The following BICDL1 variants were observed in gnomAD, a reference collection of about 807,000 sequenced individuals.
The protein encoded by BICDL1 is BICD family-like cargo adapter 1.
A neutral mutation model predicts 76.8 loss-of-function variants in BICDL1; 20 were observed. That is an observed-to-expected ratio of 0.26 (90% confidence interval 0.18 to 0.38). BICDL1 has a LOEUF of 0.38. BICDL1 is among the 10% of genes least tolerant of loss of function. BICDL1 has a pLI of 1.00. For synonymous variants in BICDL1, 383 were observed against 337.1 expected (o/e 1.14, Z -1.49); for missense variants, 700 against 798.6 (o/e 0.88, Z 1.49).
chr12:119,990,462 T>G (rs2082054997), intron 1 of BICDL1, among the ~76,000 whole-genome samples, 165 bp downstream of exon 1: 1 of 152,150 alleles, frequency 6.6e-6, no homozygotes, highest in Non-Finnish European at 1.5e-5. Context: ...CAGATTTCGT[T>G]GAACCCACTT....
chr12:120,057,988 G>A lies in BICDL1; in HGVS notation c.646-3722G>A, dbSNP rs145040518. 1.2e-3 allele frequency among the ~76,000 whole-genome samples: 177 copies of A among 151,906 alleles called. 3 individuals are homozygous for A. In the East Asian group the frequency reaches 0.021, roughly 18 times the overall value. On this transcript the variant is annotated intron_variant, in intron 2 of 9. Coordinates refer to ENST00000548673, the MANE Select transcript of BICDL1 (RefSeq NM_001367886.1). ...TGGGACCACAGGCGCCCGCCACCAC[G>A]CCTGGAGAATTTTTTTTTGTATTTT... is the stretch of plus-strand genomic sequence containing the variant.
chr12:120,084,292 A>G (rs1341667501), intron 8 of BICDL1, among the ~76,000 whole-genome samples: 1 of 152,104 alleles, frequency 6.6e-6, no homozygotes, highest in Non-Finnish European at 1.5e-5. Context: ...ATGAGCCACC[A>G]CACCCGGCCA....
chr12:120,085,018 C>T (rs575585837), intron 8 of BICDL1, among the ~76,000 whole-genome samples: 8 of 151,914 alleles, frequency 5.3e-5, no homozygotes, highest in Middle Eastern at 6.9e-3. Flanking sequence ...CCTTTTCTTT[C>T]TGGTCAGAAC....
At chr12:120,005,349 T>C (rs930985901) in intron 2 of BICDL1, among the ~76,000 whole-genome samples, 2 of 152,174 alleles carry the variant, frequency 1.3e-5, no homozygotes, top group Non-Finnish European at 2.9e-5. Flanking sequence ...TGTACATAAC[T>C]TTTCTACTTA....
chr12:120,092,122 C>G, intron 9 of BICDL1: 1 of 985,420 alleles, frequency 1.0e-6, no homozygotes, highest in Non-Finnish European at 1.2e-6. Flanking sequence ...AGTTTTCAAA[C>G]TTTGTTAGTG....
chr12:120,093,187 A>G lies in BICDL1; in HGVS notation c.*26A>G, dbSNP rs1242272854. The G allele has an allele frequency of 6.4e-7, 1 of 1,563,594 alleles. No individual in the cohort carries two copies. Among genetic ancestry groups the G allele is most frequent in the East Asian group, 2.4e-5 (1 of 41,630 alleles). ...GTTGGGAGGAGTCAGGCCACCAAAG[A>G]TGGGTGGACTGGAGGCAGCTGGAAA... On this transcript the variant is annotated 3_prime_UTR_variant, in exon 10 of 10. Coordinates refer to ENST00000548673, the MANE Select transcript of BICDL1 (RefSeq NM_001367886.1).
chr12:120,016,328 T>C (rs556255581), intron 2 of BICDL1, among the ~76,000 whole-genome samples: 2 of 152,304 alleles, frequency 1.3e-5, no homozygotes, highest in African/African-American at 4.8e-5. Context: ...TCAACTATTA[T>C]GAATAGTGCT....
At chr12:120,035,562 G>A (rs908177602) in intron 2 of BICDL1, among the ~76,000 whole-genome samples, 1 of 152,162 alleles carries the variant, frequency 6.6e-6, no homozygotes, top group African/African-American at 2.4e-5. Context: ...AAAGGCAGCT[G>A]ACTCTAAAAC....
chr12:120,074,618 G>T, intron 7 of BICDL1, 32 bp downstream of exon 7: 1 of 1,098,362 alleles, frequency 9.1e-7, no homozygotes, highest in Non-Finnish European at 1.1e-6. Context: ...TCAGTGCAGG[G>T]CATGTGCACC....
intron 2 of BICDL1, chr12:120,000,377 C>G (rs936293459): frequency 6.6e-6 from 1 of 152,174 alleles, no homozygotes; most frequent in African/African-American, 2.4e-5. Flanking sequence ...ATTTCTGATT[C>G]AGTTCTAAAA....
At chr12:120,080,428 G>A (rs1356358675) in intron 7 of BICDL1, among the ~76,000 whole-genome samples, 2 of 152,216 alleles carry the variant, frequency 1.3e-5, no homozygotes, top group South Asian at 4.1e-4. Flanking sequence ...TGTCACGGGG[G>A]AGCAGGGACT....
intron 2 of BICDL1, among the ~76,000 whole-genome samples, chr12:120,022,849 G>T (rs150168187): frequency 4.6e-5 from 7 of 152,322 alleles, no homozygotes; most frequent in Non-Finnish European, 8.8e-5. Context: ...ATGGTACTGT[G>T]AATCCAGTGA....
chr12:120,084,524 T>C (rs1262219557), intron 8 of BICDL1, among the ~76,000 whole-genome samples: 2 of 152,176 alleles, frequency 1.3e-5, no homozygotes, highest in African/African-American at 4.8e-5. Context: ...GGAAACAATG[T>C]GTAAATAAGA....
At chr12:120,081,661 G>T (rs984373330) in intron 8 of BICDL1, among the ~76,000 whole-genome samples, 1 of 151,156 alleles carries the variant, frequency 6.6e-6, no homozygotes, top group Non-Finnish European at 1.5e-5. Flanking sequence ...CAGTTTTATC[G>T]TATGTATATA....
chr12:120,052,755 G>GCT (rs773746002), intron 2 of BICDL1, among the ~76,000 whole-genome samples: 20 of 152,138 alleles, frequency 1.3e-4, no homozygotes, highest in Non-Finnish European at 2.2e-4. Flanking sequence ...TTACTGTGAT[G>GCT]CTTGCCTAAT....
At chr12:120,032,837 C>A (rs1365081018) in intron 2 of BICDL1, among the ~76,000 whole-genome samples, 8 of 150,678 alleles carry the variant, frequency 5.3e-5, no homozygotes, top group Non-Finnish European at 1.2e-4. Flanking sequence ...ACTTCCGCCT[C>A]CTGGGTTCAA....
chr12:120,052,763 A>G (rs1952890445), intron 2 of BICDL1, among the ~76,000 whole-genome samples: 1 of 152,056 alleles, frequency 6.6e-6, no homozygotes, highest in African/African-American at 2.4e-5. Context: ...ATGCTTGCCT[A>G]ATGATGATTT....
At chr12:119,995,977 C>G (rs929949767) in intron 1 of BICDL1, among the ~76,000 whole-genome samples, 2 of 149,930 alleles carry the variant, frequency 1.3e-5, no homozygotes, top group Non-Finnish European at 3.0e-5. Context: ...CAGAGCAAGA[C>G]TCCGTCTCAA....
rs1448202184 is a variant in BICDL1 at position 119,990,064 on chromosome 12, G to C, written c.196G>C (p.Gly66Arg). 1.3e-6 allele frequency: 2 copies of C among 1,535,216 alleles called. No homozygotes were observed. Among genetic ancestry groups the C allele is most frequent in the Non-Finnish European group, 1.7e-6 (2 of 1,142,990 alleles). The part of the protein sequence containing the change: ...LEEELALLAA[G>R]ERPSDPGEHP... Reference sequence around the variant, plus strand: ...GGAGGAGCTGGCGCTGCTGGCGGCCGGGGAGCGGCCGTCCGACCCCGGGGA... The same window carrying C: ...GGAGGAGCTGGCGCTGCTGGCGGCCCGGGAGCGGCCGTCCGACCCCGGGGA... The change falls in exon 1 of 10, where the codon GGG becomes CGG. Residue 66 changes from glycine to arginine, a missense_variant. By Grantham distance (125) the Gly-to-Arg change is moderately radical. This residue lies in a region of BICDL1 where 225 missense variants were observed against 199.6 expected (regional missense o/e 1.13). Coordinates refer to ENST00000548673, the MANE Select transcript of BICDL1 (RefSeq NM_001367886.1).
Sources: gnomAD v4.1 joint callset for allele counts (sites outside exome capture counted in the v4.1 genomes callset) on GRCh38, gnomAD v4.1.1 for gene constraint, gnomAD v4.1.1 regional missense constraint, MANE v1.5 for transcripts, NCBI Gene and HGNC (gene_info 2026-07-23, HGNC 2026-07-21) for gene names.